Variants in AMPH observed in about 807,000 individuals in gnomAD.
The protein encoded by AMPH is amphiphysin, also known as amphiphysin (Stiff-Mann syndrome with breast cancer 128kD autoantigen).
In AMPH, 49 loss-of-function variants were observed where a neutral mutation model predicts 99.1. The observed-to-expected ratio is 0.49, with a 90% CI of 0.39 to 0.63. AMPH has a LOEUF of 0.63. Ranked by LOEUF, AMPH falls within the 20% of genes least tolerant of loss-of-function variation. The pLI is 0.00. For missense variants in AMPH, 759 were observed against 863.4 expected (o/e 0.88, Z 1.52); for synonymous variants, 314 against 317.3 (o/e 0.99, Z 0.11).
chr7:38,441,770 GAT>G lies in AMPH; in HGVS notation c.1018-5384_1018-5383del, dbSNP rs749941653. ...TATATCATATATATATCATATATAT[GAT>G]ATATATCATATATCTGTCATATATA... On this transcript the variant is annotated intron_variant, in intron 11 of 20. Transcript: ENST00000356264. Among the ~76,000 whole-genome samples, 14 of 85,848 alleles carry G rather than the reference GAT, an allele frequency of 1.6e-4. 1 individual carries two copies. The highest frequency in any genetic ancestry group is 2.6e-4 in the Non-Finnish European group (11 of 42,012). 56.3% of individuals were successfully genotyped at this position (85,848 alleles called of 152,430 possible). A position where few individuals can be genotyped will look rare whatever the true frequency, so the allele number is the denominator to read the frequency against.
chr7:38,498,794 T>C (rs1040468359), intron 3 of AMPH, among the ~76,000 whole-genome samples: 2 of 152,240 alleles, frequency 1.3e-5, no homozygotes, highest in African/African-American at 2.4e-5. Flanking sequence ...CTCCTGTCTA[T>C]TGATAGAATA....
intron 1 of AMPH, among the ~76,000 whole-genome samples, chr7:38,610,601 T>TATC (rs996817233): frequency 1.5e-4 from 23 of 152,166 alleles, no homozygotes; most frequent in African/African-American, 5.3e-4. Flanking sequence ...TTACTTGCAC[T>TATC]ATCTACTAAT....
chr7:38,393,903 CCT>C, intron 18 of AMPH, 100 bp downstream of exon 18: 1 of 1,102,776 alleles, frequency 9.1e-7, no homozygotes, highest in Non-Finnish European at 1.3e-6. Flanking sequence ...TTGCTACAAA[CCT>C]ATTATACATC....
intron 14 of AMPH, chr7:38,429,306 T>C: frequency 7.8e-7 from 1 of 1,287,864 alleles, no homozygotes; most frequent in South Asian, 1.2e-5. Context: ...CCCCGGGGCA[T>C]GCTCACTCTC....
intron 1 of AMPH, among the ~76,000 whole-genome samples, chr7:38,564,413 G>T (rs1274573087): frequency 1.3e-5 from 2 of 152,176 alleles, no homozygotes; most frequent in African/African-American, 4.8e-5. Flanking sequence ...GTGGCAAGGT[G>T]GTGGCCACCT....
At chr7:38,492,699 T>C (rs1291836959) in intron 4 of AMPH, among the ~76,000 whole-genome samples, 1 of 152,168 alleles carries the variant, frequency 6.6e-6, no homozygotes, top group Non-Finnish European at 1.5e-5. Context: ...CAACTGAGGA[T>C]TCCAAAAAAC....
In AMPH at chr7:38,407,757, A is replaced by C. The variant is rs1005860521; in HGVS notation, c.1398+10068T>G. On this transcript the variant is annotated intron_variant, in intron 17 of 20. Coordinates refer to ENST00000356264, the MANE Select transcript of AMPH (RefSeq NM_001635.4). Reference sequence around the variant, plus strand: ...CTTCCATGGCTATGGAACACTTTATACTACAGTTAGAGAACAGCCATCTTC... The same window carrying C: ...CTTCCATGGCTATGGAACACTTTATCCTACAGTTAGAGAACAGCCATCTTC... Among the ~76,000 whole-genome samples the C allele has an allele frequency of 1.3e-5, 2 of 152,200 alleles. 1 individual carries two copies. Among genetic ancestry groups the C allele is most frequent in the Non-Finnish European group, 2.9e-5 (2 of 68,018 alleles).
At chr7:38,631,079 C>T (rs1428028063) in intron 1 of AMPH, among the ~76,000 whole-genome samples, 1 of 151,966 alleles carries the variant, frequency 6.6e-6, no homozygotes, top group Non-Finnish European at 1.5e-5. Context: ...GCTGCGTCCT[C>T]CCGACCCGCT....
At chr7:38,492,883 C>G (rs1198922810) in intron 4 of AMPH, among the ~76,000 whole-genome samples, 1 of 152,154 alleles carries the variant, frequency 6.6e-6, no homozygotes, top group Non-Finnish European at 1.5e-5. Flanking sequence ...AGTTATACCA[C>G]TAATTAGAAA....
chr7:38,467,188 T>C (rs973414801), intron 7 of AMPH, among the ~76,000 whole-genome samples: 4 of 152,174 alleles, frequency 2.6e-5, no homozygotes, highest in Admixed American at 6.5e-5. Context: ...AGGAAGCAGA[T>C]GGTTCTCTGG....
At chr7:38,572,566 T>C (rs761436073) in intron 1 of AMPH, among the ~76,000 whole-genome samples, 37 of 152,172 alleles carry the variant, frequency 2.4e-4, no homozygotes, top group Non-Finnish European at 7.4e-5. Context: ...GGAAGGCTGT[T>C]CCCATATCTG....
In AMPH at chr7:38,428,704, C is replaced by T. The variant is rs1209394510; in HGVS notation, c.1182+1138G>A. On this transcript the variant is annotated intron_variant, in intron 14 of 20. Transcript: ENST00000356264. The stretch of plus-strand genomic sequence containing the variant: ...GGATTCAAGATATCTGGGTGATTGG[C>T]AGGTTTGGCTCCAAAGCCTTCTATC... 9 of 456,710 alleles carry T rather than the reference C, an allele frequency of 2.0e-5. 2 individuals are homozygous for T. Among genetic ancestry groups the T allele is most frequent in the South Asian group, 1.4e-4 (9 of 64,566 alleles). 28.3% of individuals were successfully genotyped at this position (456,710 alleles called of 1,614,324 possible).
intron 1 of AMPH, among the ~76,000 whole-genome samples, chr7:38,581,704 CG>C (rs1307005444): frequency 6.6e-6 from 1 of 152,042 alleles, no homozygotes; most frequent in African/African-American, 2.4e-5. Flanking sequence ...CAGGATGTTA[CG>C]GTGTTGGTAG....
chr7:38,566,099 C>T (rs1791733619), intron 1 of AMPH, among the ~76,000 whole-genome samples: 1 of 152,024 alleles, frequency 6.6e-6, no homozygotes, highest in South Asian at 2.1e-4. Context: ...TTTATTTTTG[C>T]TTTTGTTTTA....
Position 38,436,344 on chromosome 7 carries a change from C to T in AMPH, c.1062G>A (p.Leu354=). 6.2e-7 allele frequency: 1 copy of T among 1,614,188 alleles called. No homozygotes were observed. Among genetic ancestry groups the T allele is most frequent in the South Asian group, 1.1e-5 (1 of 91,082 alleles). The part of the protein sequence containing the change: ...EVKKEETLLD[L]DFDPFKPEVT... The stretch of plus-strand genomic sequence containing the variant: ...CCTCGGGCTTGAAAGGATCAAAGTC[C>T]AGATCCAGCAAAGTCTCCTCTTTCT... Residue 354 remains leucine, a synonymous_variant, in exon 12 of 21, where the codon CTG becomes CTA. Coordinates refer to ENST00000356264, the MANE Select transcript of AMPH (RefSeq NM_001635.4).
chr7:38,578,732 C>T (rs541703686), intron 1 of AMPH, among the ~76,000 whole-genome samples: 36 of 152,266 alleles, frequency 2.4e-4, no homozygotes, highest in African/African-American at 8.2e-4. Context: ...CACACCACTG[C>T]ACTCCAGCTT....
At chr7:38,438,969 C>T (rs1457954462) in intron 11 of AMPH, among the ~76,000 whole-genome samples, 4 of 152,128 alleles carry the variant, frequency 2.6e-5, no homozygotes, top group Non-Finnish European at 5.9e-5. Flanking sequence ...ATTGTAATCC[C>T]CATGTTTGGT....
intron 1 of AMPH, among the ~76,000 whole-genome samples, chr7:38,555,242 C>G (rs893154073): frequency 9.5e-6 from 1 of 104,732 alleles, no homozygotes; most frequent in Non-Finnish European, 1.8e-5. Flanking sequence ...CTGTCTCTAA[C>G]ACAATTTAAA....
chr7:38,550,581 C>A (rs1041809065), intron 1 of AMPH, among the ~76,000 whole-genome samples: 1 of 152,092 alleles, frequency 6.6e-6, no homozygotes, highest in Non-Finnish European at 1.5e-5. Flanking sequence ...ATATAAGTGT[C>A]ATTTTGTTAC....
Sources: gnomAD v4.1 joint callset for allele counts (sites outside exome capture counted in the v4.1 genomes callset) on GRCh38, gnomAD v4.1.1 for gene constraint, MANE v1.5 for transcripts, NCBI Gene and HGNC (gene_info 2026-07-23, HGNC 2026-07-21) for gene names.